Variants in TRIOBP observed in about 807,000 individuals in gnomAD.
The protein encoded by TRIOBP is TRIO and F-actin-binding protein.
TRIOBP carries 169 observed loss-of-function variants against 238.8 expected under a neutral mutation model. That is an observed-to-expected ratio of 0.71 (90% CI 0.62 to 0.80). The LOEUF (loss-of-function observed/expected upper bound fraction) is 0.80, where lower values mean the gene tolerates loss of function less well. Ranked by LOEUF, TRIOBP falls within the 30% of genes least tolerant of loss-of-function variation. TRIOBP has a pLI of 0.00. For missense variants in TRIOBP, 2,838 were observed against 3,122.6 expected, an observed-to-expected ratio of 0.91 and a Z score of 2.17; for synonymous variants, 1,150 against 1,274.4, an observed-to-expected ratio of 0.90 and a Z score of 2.08.
rs1601675189 is a variant in TRIOBP, at chr22:37,775,193, G to C, written c.*1413G>C. The C allele has an allele frequency of 6.6e-6, 1 of 152,250 alleles. No individual in the cohort carries two copies. The highest frequency in any genetic ancestry group is 1.9e-4 in the East Asian group (1 of 5,194). The allele number at this position is 152,250 out of a possible 1,614,324, so 9.4% of individuals were successfully genotyped here. On this transcript the variant is annotated 3_prime_UTR_variant, in exon 24 of 24. Transcript: ENST00000644935. Reference sequence around the variant, plus strand: ...CCCAGAGGAGACCCTGACCCAGCCTGCAGGTAGAAGACTGCCTTTGGAGGC... The same window carrying C: ...CCCAGAGGAGACCCTGACCCAGCCTCCAGGTAGAAGACTGCCTTTGGAGGC...
chr22:37,732,276 TA>T (rs58389158), intron 7 of TRIOBP, among the ~76,000 whole-genome samples: 54,368 of 151,938 alleles, frequency 0.36, 10,795 homozygotes, highest in East Asian at 0.59. Context: ...TAACTGGAAC[TA>T]GACTTTTTAC....
intron 17 of TRIOBP, chr22:37,759,898 A>G (rs1926154749): frequency 2.5e-6 from 1 of 393,462 alleles, no homozygotes; most frequent in South Asian, 5.0e-5. Flanking sequence ...AATTTTACCA[A>G]TAAAAACAAT....
intron 21 of TRIOBP, among the ~76,000 whole-genome samples, chr22:37,771,426 A>G (rs1460109158): frequency 1.3e-5 from 2 of 152,138 alleles, no homozygotes; most frequent in Non-Finnish European, 2.9e-5. Context: ...ACCGTGAGAT[A>G]TCCACTCACA....
Position 37,765,832 on chromosome 22 carries a change from G to GA in TRIOBP, c.6472+15_6472+16insA, listed in dbSNP as rs149021782. The GA allele has an allele frequency of 4.7e-4, 740 of 1,585,340 alleles. 2 individuals carry two copies. In the East Asian group the frequency reaches 6.9e-3, roughly 15 times the overall value. On this transcript the variant is annotated intron_variant, in intron 18 of 23. Transcript: ENST00000644935. ...CACGGCCTCAGGTATGGACCCTGGGGGGGGCACAGTGGGCTGGGCTCTGAG... is the reference window on the plus strand; with the variant it reads ...CACGGCCTCAGGTATGGACCCTGGGGAGGGGCACAGTGGGCTGGGCTCTGAG...
At chr22:37,751,078 C>G in intron 11 of TRIOBP, 1 of 421,542 alleles carries the variant, frequency 2.4e-6, no homozygotes, top group Non-Finnish European at 4.8e-6. Context: ...AGAAAAATAT[C>G]AGGATGAGCA....
At chr22:37,727,332 A>G (rs1263603314) in intron 7 of TRIOBP, among the ~76,000 whole-genome samples, 1 of 151,330 alleles carries the variant, frequency 6.6e-6, no homozygotes, top group Non-Finnish European at 1.5e-5. Flanking sequence ...AAGAAAACTC[A>G]TGGGTCCCTA....
chr22:37,719,537 C>T (rs761162929), intron 6 of TRIOBP, among the ~76,000 whole-genome samples: 4 of 152,132 alleles, frequency 2.6e-5, no homozygotes, highest in South Asian at 2.1e-4. Context: ...ACTCAGCAGA[C>T]GTTTACTTAC....
chr22:37,770,473 A>C (rs1926720427), intron 21 of TRIOBP, among the ~76,000 whole-genome samples: 1 of 151,222 alleles, frequency 6.6e-6, no homozygotes, highest in Non-Finnish European at 1.5e-5. Context: ...ATATTAAAAA[A>C]AAAAAGCGAT....
chr22:37,754,377 GCACT>G (rs1268706060), intron 12 of TRIOBP, among the ~76,000 whole-genome samples: 1 of 142,466 alleles, frequency 7.0e-6, no homozygotes, highest in East Asian at 2.1e-4. Flanking sequence ...TTGCACCATT[GCACT>G]CCAGCCTGGG....
Position 37,734,399 on chromosome 22 carries a change from G to A in TRIOBP, c.4063G>A (p.Val1355Met). The change falls in exon 9 of 24, where the codon GTG becomes ATG. Residue 1355 changes from valine (V) to methionine (M), a missense_variant and splice_region_variant. Physicochemically the swap from Val to Met is conservative, Grantham distance 21. Around this residue, in one of 5 missense-constraint regions of TRIOBP, gnomAD observed 2,096 missense variants for 2,137.4 expected, o/e 0.98. Transcript: ENST00000644935. ...ACCTACCCCCTCACCTCATCCCCAGGTGACCATGCTCCCTGCCAAACAGGC... is the reference window on the plus strand; with the variant it reads ...ACCTACCCCCTCACCTCATCCCCAGATGACCATGCTCCCTGCCAAACAGGC... The part of the protein sequence containing the change: ...RQSSPAPSRQ[V>M]TMLPAKQAEL... 3 of 1,612,850 alleles carry A rather than the reference G, an allele frequency of 1.9e-6. No homozygotes were observed. Among genetic ancestry groups the A allele is most frequent in the Admixed American group, 1.7e-5 (1 of 59,966 alleles).
chr22:37,751,010 G>A (rs919353758), intron 11 of TRIOBP: 38 of 375,022 alleles, frequency 1.0e-4, no homozygotes, highest in Middle Eastern at 7.7e-4. Context: ...AGATGAGAGA[G>A]GTCTCCCCAG....
At position 37,723,257 on chromosome 22, in the gene TRIOBP, A is replaced by G. The variant is rs751757451; in HGVS notation, c.701A>G (p.Glu234Gly). Residue 234 changes from glutamate to glycine, a missense_variant, in exon 7 of 24, where the codon GAG (glutamate) becomes GGG (glycine). Coordinates refer to ENST00000644935, the MANE Select transcript of TRIOBP (RefSeq NM_001039141.3). ...RLRGESGLSL[E>G]RHRSTLTQAS... ...CGGGGAGAAAGCGGGTTGTCCCTGG[A>G]GCGGCACCGGTCAACACTGACCCAG... is the stretch of plus-strand genomic sequence containing the variant. The G allele has an allele frequency of 3.1e-6, 5 of 1,614,064 alleles. No homozygotes were observed. The African/African-American group carries it at 5.3e-5, about 17-fold the overall frequency.
At chr22:37,727,357 C>T (rs56114444) in intron 7 of TRIOBP, among the ~76,000 whole-genome samples, 36,188 of 150,878 alleles carry the variant, frequency 0.24, 5,390 homozygotes, top group South Asian at 0.41. Flanking sequence ...TTTCAGAAAA[C>T]AGTTATGTCA....
At chr22:37,746,195 C>T in intron 11 of TRIOBP, 1 of 1,005,286 alleles carries the variant, frequency 9.9e-7, no homozygotes, top group African/African-American at 1.9e-5. Context: ...TTGGCCCGCT[C>T]GGGTCCTCCC....
At chr22:37,721,079 A>G (rs1178406861) in intron 6 of TRIOBP, among the ~76,000 whole-genome samples, 2 of 147,288 alleles carry the variant, frequency 1.4e-5, no homozygotes, top group Non-Finnish European at 3.0e-5. Context: ...CCGTGTTAGC[A>G]GGGCTGGTAT....
chr22:37,704,401 AC>A (rs1922819452), intron 3 of TRIOBP, among the ~76,000 whole-genome samples: 1 of 18,382 alleles, frequency 5.4e-5, no homozygotes, highest in Admixed American at 6.1e-4. Flanking sequence ...ACAGAACAGA[AC>A]AGAACAGAAC....
At chr22:37,756,401 G>A (rs1002593784) in intron 15 of TRIOBP, among the ~76,000 whole-genome samples, 1 of 152,188 alleles carries the variant, frequency 6.6e-6, no homozygotes, top group South Asian at 2.1e-4. Flanking sequence ...GCCACACCGC[G>A]GCTATTCAGC....
At chr22:37,748,887 G>A (rs796872014) in intron 11 of TRIOBP, among the ~76,000 whole-genome samples, 97 of 152,264 alleles carry the variant, frequency 6.4e-4, no homozygotes, top group African/African-American at 2.2e-3. Context: ...AGGAAGCATA[G>A]TGTTTCAGGC....
At chr22:37,714,660 TCTTAAATAGAGAAAA>T (rs1309890227) in intron 5 of TRIOBP, among the ~76,000 whole-genome samples, 3 of 151,696 alleles carry the variant, frequency 2.0e-5, no homozygotes, top group African/African-American at 7.3e-5. Flanking sequence ...CAAAACTCCG[TCTTAAATAGAGAAAA>T]AAAAAAAAGT....
Sources: gnomAD v4.1 joint callset for allele counts (sites outside exome capture counted in the v4.1 genomes callset) on GRCh38, gnomAD v4.1.1 for gene constraint, gnomAD v4.1.1 regional missense constraint, MANE v1.5 for transcripts, NCBI Gene and HGNC (gene_info 2026-07-23, HGNC 2026-07-21) for gene names.